Variants in ADAM12 observed in about 807,000 individuals in gnomAD.
The protein encoded by ADAM12 is disintegrin and metalloproteinase domain-containing protein 12.
Under a neutral mutation model 106.4 loss-of-function variants are expected in ADAM12, and 70 were observed. The ratio of observed to expected loss-of-function variants is 0.66; its 90% CI spans 0.54 to 0.80. The LOEUF is 0.80. Ranked by LOEUF, ADAM12 falls within the 30% of genes least tolerant of loss-of-function variation. The pLI is 0.00. For missense variants in ADAM12, 1,010 were observed against 1,171.9 expected, an observed-to-expected ratio of 0.86 and a Z score of 2.02; for synonymous variants, 420 against 433.5, an observed-to-expected ratio of 0.97 and a Z score of 0.39.
rs533243635 is a variant in ADAM12, at chr10:126,106,486, CTT to C, written c.741+2105_741+2106del. ...TTTATCCCTTCTTTTTCTTCTTCTT[CTT>C]TTTTTTTTTTTTTTTTGAGATGGAG... On this transcript the variant is annotated intron_variant, in intron 8 of 22. Transcript: ENST00000448723. Among the ~76,000 whole-genome samples the C allele has an allele frequency of 8.2e-3, 955 of 115,882 alleles. 8 individuals carry two copies. The highest frequency in any genetic ancestry group is 0.03 in the African/African-American group (871 of 29,384). The allele number at this position is 115,882 out of a possible 152,430, so 76.0% of individuals were successfully genotyped here. A position where few individuals can be genotyped will look rare whatever the true frequency, so the allele number is the denominator to read the frequency against.
intron 3 of ADAM12, among the ~76,000 whole-genome samples, chr10:126,194,445 C>A (rs560772712): frequency 6.6e-6 from 1 of 152,222 alleles, no homozygotes; most frequent in African/African-American, 2.4e-5. Flanking sequence ...TCTGGCTGAG[C>A]CAGTGACAAA....
chr10:126,386,252 A>G (rs1856656278), intron 1 of ADAM12, among the ~76,000 whole-genome samples: 1 of 152,206 alleles, frequency 6.6e-6, no homozygotes, highest in African/African-American at 2.4e-5. Flanking sequence ...GTTGCCCCAG[A>G]AAGTACCAAG....
intron 3 of ADAM12, among the ~76,000 whole-genome samples, chr10:126,175,846 G>A (rs1235180962): frequency 1.3e-5 from 2 of 152,224 alleles, no homozygotes; most frequent in East Asian, 3.9e-4. Flanking sequence ...TTACCACTCT[G>A]GACTTCCCTG....
rs79204957 is a variant in ADAM12, at chr10:126,079,122, C to A, written c.1146-7468G>T. On this transcript the variant is annotated intron_variant, in intron 11 of 22. Coordinates refer to ENST00000448723, the MANE Select transcript of ADAM12 (RefSeq NM_001288973.2). ...AAAACTCAAGGTAGGGGCCTAGCAA[C>A]CTGTATTTTAATAAGCTCTGCAGAC... Among the ~76,000 whole-genome samples, 1,485 of 152,292 alleles carry A rather than the reference C, an allele frequency of 9.8e-3. 11 individuals are homozygous for A. Among genetic ancestry groups the A allele is most frequent in the South Asian group, 0.028 (136 of 4,818 alleles).
intron 2 of ADAM12, among the ~76,000 whole-genome samples, chr10:126,326,480 C>T (rs962922742): frequency 7.2e-5 from 11 of 152,186 alleles, no homozygotes; most frequent in African/African-American, 2.2e-4. Context: ...CTTGAATCCA[C>T]GGGCAAGTCC....
In ADAM12 at chr10:126,108,602, G is replaced by A. The variant is rs1212069506; in HGVS notation, c.732C>T (p.His244=). 1.2e-5 allele frequency: 20 copies of A among 1,613,486 alleles called. No homozygotes were observed. The East Asian group carries it at 1.3e-4, about 11-fold the overall frequency. ...CTGAAAAAGAACTTACCTTGTCAACGTGATTAGCAATCTCTATTAATCGCT... is the reference window on the plus strand; with the variant it reads ...CTGAAAAAGAACTTACCTTGTCAACATGATTAGCAATCTCTATTAATCGCT... ...VKQRLIEIAN[H]VDKFYRPLNI... is the part of the protein sequence containing the mutation. Residue 244 remains histidine (H), a synonymous_variant, in exon 8 of 23, where the codon CAC becomes CAT. Transcript: ENST00000448723.
chr10:126,304,590 T>C (rs1960763637), intron 2 of ADAM12, among the ~76,000 whole-genome samples: 1 of 152,084 alleles, frequency 6.6e-6, no homozygotes, highest in South Asian at 2.1e-4. Flanking sequence ...TGATATATTA[T>C]AGAAGATGAA....
chr10:126,174,523 C>T (rs1460841982), intron 3 of ADAM12, among the ~76,000 whole-genome samples: 1 of 152,096 alleles, frequency 6.6e-6, no homozygotes, highest in Non-Finnish European at 1.5e-5. Context: ...TTATTAACAA[C>T]TTTAAGACAC....
chr10:126,026,108 G>A (rs1011200339), intron 21 of ADAM12, among the ~76,000 whole-genome samples: 3 of 152,142 alleles, frequency 2.0e-5, no homozygotes, highest in South Asian at 2.1e-4. Context: ...AAACTCATGT[G>A]CAAAGACACA....
chr10:126,373,426 C>T (rs967586374), intron 1 of ADAM12, among the ~76,000 whole-genome samples: 1 of 152,174 alleles, frequency 6.6e-6, no homozygotes, highest in Admixed American at 6.5e-5. Flanking sequence ...GACTAACATG[C>T]CAGCAGGAAA....
At chr10:126,210,662 A>C (rs916511962) in intron 3 of ADAM12, among the ~76,000 whole-genome samples, 5 of 152,198 alleles carry the variant, frequency 3.3e-5, no homozygotes, top group African/African-American at 1.2e-4. Context: ...GCCACGAGGA[A>C]GGTCACCAGA....
At chr10:126,163,738 T>C (rs773820679) in intron 3 of ADAM12, among the ~76,000 whole-genome samples, 4 of 152,188 alleles carry the variant, frequency 2.6e-5, no homozygotes, top group Non-Finnish European at 5.9e-5. Flanking sequence ...AACAAGACTT[T>C]CCCTATTCGG....
At chr10:126,176,761 T>C (rs1466357239) in intron 3 of ADAM12, among the ~76,000 whole-genome samples, 1 of 152,206 alleles carries the variant, frequency 6.6e-6, no homozygotes, top group Non-Finnish European at 1.5e-5. Context: ...AAATCTCTCA[T>C]TGTCTCCCAA....
intron 1 of ADAM12, among the ~76,000 whole-genome samples, chr10:126,367,557 G>T (rs1855954910): frequency 1.4e-5 from 2 of 147,282 alleles, no homozygotes; most frequent in African/African-American, 2.5e-5. Context: ...ACAATAAGTA[G>T]CAAAAATCAA....
chr10:126,146,173 A>G (rs1313583894), intron 4 of ADAM12, among the ~76,000 whole-genome samples: 1 of 152,144 alleles, frequency 6.6e-6, no homozygotes, highest in Non-Finnish European at 1.5e-5. Flanking sequence ...AGGGTGTGGA[A>G]TGTGCTGTGG....
At chr10:126,112,895 G>A (rs1955897149) in intron 6 of ADAM12, among the ~76,000 whole-genome samples, 1 of 151,940 alleles carries the variant, frequency 6.6e-6, no homozygotes, top group Non-Finnish European at 1.5e-5. Flanking sequence ...CTGAAACCCA[G>A]TGTCTTCCTG....
chr10:126,015,270 C>T lies in ADAM12; in HGVS notation c.*2009G>A, dbSNP rs1953642842. 6.6e-6 allele frequency: 1 copy of T among 152,180 alleles called. No individual in the cohort carries two copies. Among genetic ancestry groups the T allele is most frequent in the African/African-American group, 2.4e-5 (1 of 41,448 alleles). 9.4% of individuals were successfully genotyped at this position (152,180 alleles called of 1,614,324 possible). On this transcript the variant is annotated 3_prime_UTR_variant, in exon 23 of 23. Coordinates refer to ENST00000448723, the MANE Select transcript of ADAM12 (RefSeq NM_001288973.2). ...AAGAACAAACAACAAAAGAAAAACTCAGTTCATATCCTCTTATAATTGGAG... is the reference window on the plus strand; with the variant it reads ...AAGAACAAACAACAAAAGAAAAACTTAGTTCATATCCTCTTATAATTGGAG...
At chr10:126,224,863 G>C (rs1428123138) in intron 3 of ADAM12, among the ~76,000 whole-genome samples, 2 of 152,264 alleles carry the variant, frequency 1.3e-5, no homozygotes, top group African/African-American at 2.4e-5. Context: ...TCCCAGGCAG[G>C]TGCTGCAGCA....
At position 126,193,875 on chromosome 10, in the gene ADAM12, G is replaced by A. The variant is rs565941961; in HGVS notation, c.261-38570C>T. Among the ~76,000 whole-genome samples, 387 of 144,668 alleles carry A rather than the reference G, an allele frequency of 2.7e-3. 5 individuals carry two copies. Among genetic ancestry groups the A allele is most frequent in the African/African-American group, 0.01 (360 of 34,692 alleles). The allele number at this position is 144,668 out of a possible 152,430, so 94.9% of individuals were successfully genotyped here. A position where few individuals can be genotyped will look rare whatever the true frequency, so the allele number is the denominator to read the frequency against. ...TCATTGCACTCCAGCCTGGGCAACC[G>A]AGTGAGACTCTGTCTCATGAAATAA... On this transcript the variant is annotated intron_variant, in intron 3 of 22. Transcript: ENST00000448723.
Sources: gnomAD v4.1 joint callset for allele counts (sites outside exome capture counted in the v4.1 genomes callset) on GRCh38, gnomAD v4.1.1 for gene constraint, MANE v1.5 for transcripts, NCBI Gene and HGNC (gene_info 2026-07-23, HGNC 2026-07-21) for gene names.